Variants in RERG observed in about 807,000 individuals in gnomAD.
The protein encoded by RERG is ras-related and estrogen-regulated growth inhibitor.
In RERG, 25 loss-of-function variants were observed where a neutral mutation model predicts 23.2. That is an observed-to-expected ratio of 1.08 (90% CI 0.79 to 1.50). The LOEUF (loss-of-function observed/expected upper bound fraction) is 1.50, where lower values mean the gene tolerates loss of function less well. RERG is among the 40% of genes most tolerant of loss of function. RERG has a pLI of 0.00. For synonymous variants in RERG, 81 were observed against 89.1 expected (o/e 0.91, Z 0.51); for missense variants, 253 against 250.1 (o/e 1.01, Z -0.08).
At chr12:15,132,332 C>T (rs1039105487) in intron 2 of RERG, among the ~76,000 whole-genome samples, 1 of 152,148 alleles carries the variant, frequency 6.6e-6, no homozygotes, top group Non-Finnish European at 1.5e-5. Flanking sequence ...TTTTACTTTG[C>T]AATGCACATT....
chr12:15,206,111 C>T (rs958276369), intron 2 of RERG, among the ~76,000 whole-genome samples: 1 of 152,098 alleles, frequency 6.6e-6, no homozygotes, highest in African/African-American at 2.4e-5. Flanking sequence ...CTAGCTCAAT[C>T]CCTTCCCACT....
intron 2 of RERG, among the ~76,000 whole-genome samples, chr12:15,189,307 T>G (rs1365293264): frequency 2.0e-5 from 3 of 152,188 alleles, no homozygotes; most frequent in African/African-American, 7.2e-5. Flanking sequence ...GACCTCTTTC[T>G]TCTCTTCCAT....
At chr12:15,174,733 A>G (rs1274354961) in intron 2 of RERG, among the ~76,000 whole-genome samples, 2 of 151,960 alleles carry the variant, frequency 1.3e-5, no homozygotes, top group Non-Finnish European at 2.9e-5. Flanking sequence ...GTCAGCTAAA[A>G]TCTGCTCTTG....
intron 2 of RERG, among the ~76,000 whole-genome samples, chr12:15,133,146 GATATATATATATAT>G (rs376565973): frequency 4.0e-5 from 5 of 125,218 alleles, no homozygotes; most frequent in African/African-American, 6.5e-5. Flanking sequence ...ATCCTGTGGA[GATATATATATATAT>G]ATATATATAT....
intron 2 of RERG, among the ~76,000 whole-genome samples, chr12:15,132,599 T>G (rs908568810): frequency 6.6e-6 from 1 of 152,180 alleles, no homozygotes; most frequent in African/African-American, 2.4e-5. Context: ...TGTTTAGCTT[T>G]GTAAGAAACT....
intron 1 of RERG, chr12:15,218,034 A>G (rs1865466280): frequency 6.5e-6 from 1 of 152,696 alleles, no homozygotes; most frequent in African/African-American, 2.4e-5. Flanking sequence ...ACATACATTC[A>G]TATTAGTCAA....
chr12:15,154,052 C>G (rs968422385), intron 2 of RERG, among the ~76,000 whole-genome samples: 2 of 152,160 alleles, frequency 1.3e-5, no homozygotes, highest in Admixed American at 6.5e-5. Context: ...GGAACAGATC[C>G]TCCCTTACAG....
chr12:15,202,426 T>G (rs1319067467), intron 2 of RERG, among the ~76,000 whole-genome samples: 1 of 151,788 alleles, frequency 6.6e-6, no homozygotes, highest in Non-Finnish European at 1.5e-5. Context: ...TGTAACTTTA[T>G]GCACATTGAA....
intron 2 of RERG, among the ~76,000 whole-genome samples, chr12:15,205,191 A>C (rs986223269): frequency 1.3e-5 from 2 of 151,998 alleles, no homozygotes; most frequent in African/African-American, 4.8e-5. Flanking sequence ...GCTCAGGAAA[A>C]CACTATGGTC....
chr12:15,161,226 G>GAAAGAAAGAAAGAAAGAAAC (rs1565524246), intron 2 of RERG, among the ~76,000 whole-genome samples: 27 of 123,542 alleles, frequency 2.2e-4, no homozygotes, highest in Middle Eastern at 7.5e-3. Context: ...AAGAAAGAAA[G>GAAAGAAAGAAAGAAAGAAAC]AAACAGGGGC....
intron 4 of RERG, among the ~76,000 whole-genome samples, chr12:15,110,463 C>CTTTCTTTTTTTTTTTTTTTTT (rs1863586835): frequency 2.7e-5 from 2 of 73,082 alleles, no homozygotes; most frequent in Non-Finnish European, 2.4e-5. Flanking sequence ...CCATTTTTTT[C>CTTTCTTTTTTTTTTTTTTTTT]TTTTTTTTTT....
intron 2 of RERG, among the ~76,000 whole-genome samples, chr12:15,125,351 A>G (rs1351728746): frequency 1.3e-5 from 2 of 151,868 alleles, no homozygotes; most frequent in Non-Finnish European, 2.9e-5. Flanking sequence ...TAAAAAAGTT[A>G]GAAATGTTAA....
intron 2 of RERG, among the ~76,000 whole-genome samples, chr12:15,214,833 G>A (rs1174227179): frequency 6.6e-6 from 1 of 152,096 alleles, no homozygotes; most frequent in Admixed American, 6.5e-5. Flanking sequence ...AGCGACAGAG[G>A]GAGACCCAGT....
chr12:15,165,932 T>C (rs77397835), intron 2 of RERG, among the ~76,000 whole-genome samples: 3,327 of 152,280 alleles, frequency 0.022, 54 homozygotes, highest in Non-Finnish European at 0.034. Flanking sequence ...ATTGGCTCCA[T>C]GACTGTAAGC....
intron 2 of RERG, among the ~76,000 whole-genome samples, chr12:15,205,524 G>A (rs1221281000): frequency 6.6e-6 from 1 of 152,060 alleles, no homozygotes; most frequent in East Asian, 1.9e-4. Flanking sequence ...ATACTACCAT[G>A]TATGGCTGAG....
intron 2 of RERG, among the ~76,000 whole-genome samples, chr12:15,123,223 T>G (rs1172293942): frequency 1.3e-5 from 2 of 152,174 alleles, no homozygotes; most frequent in African/African-American, 4.8e-5. Context: ...ACCATTTAAA[T>G]TTGAATCATT....
intron 2 of RERG, among the ~76,000 whole-genome samples, chr12:15,139,665 T>C (rs1864202636): frequency 6.6e-6 from 1 of 152,168 alleles, no homozygotes; most frequent in Non-Finnish European, 1.5e-5. Context: ...ACATTAAACT[T>C]GTATACTGTT....
chr12:15,127,310 A>G (rs891904076), intron 2 of RERG, among the ~76,000 whole-genome samples: 1 of 152,344 alleles, frequency 6.6e-6, no homozygotes, highest in East Asian at 1.9e-4. Flanking sequence ...TGAATGAGAA[A>G]ACAATGAAAA....
In RERG at chr12:15,206,706, C is replaced by T. The variant is rs1452488407; in HGVS notation, c.61+10723G>A. ...ACTGCTATAACCCAATAAAAAAACA[C>T]ATTTCCAAACTCAGCTCTGGTTTGC... On this transcript the variant is annotated intron_variant, in intron 2 of 4. Coordinates refer to ENST00000256953, the MANE Select transcript of RERG (RefSeq NM_032918.3). Among the ~76,000 whole-genome samples the T allele has an allele frequency of 2.6e-5, 4 of 152,078 alleles. No homozygotes were observed. In the South Asian group the frequency reaches 8.3e-4, roughly 31 times the overall value.
Sources: gnomAD v4.1 joint callset for allele counts (sites outside exome capture counted in the v4.1 genomes callset) on GRCh38, gnomAD v4.1.1 for gene constraint, MANE v1.5 for transcripts, NCBI Gene and HGNC (gene_info 2026-07-23, HGNC 2026-07-21) for gene names.